OR51B5: variants seen among roughly 807,000 people sequenced by gnomAD.
OR51B5 encodes olfactory receptor family 51 subfamily B member 5, also known as olfactory receptor 51B5.
For synonymous variants in OR51B5, 186 were observed against 144.8 expected (o/e 1.28, Z -2.04); for missense variants, 456 against 374.6 (o/e 1.22, Z -1.79).
At chr11:5,366,563 C>T (rs12364305) in intron 1 of OR51B5, among the ~76,000 whole-genome samples, 35,927 of 151,464 alleles carry the variant, frequency 0.24, 4,491 homozygotes, top group Non-Finnish European at 0.26. Context: ...GAGCCGAGAT[C>T]GCGCCATTGC....
intron 1 of OR51B5, among the ~76,000 whole-genome samples, chr11:5,479,030 G>C (rs1335161217): frequency 2.0e-5 from 3 of 151,950 alleles, no homozygotes; most frequent in Non-Finnish European, 2.9e-5. Context: ...GATACTCCTC[G>C]AGAAGAGCAA....
chr11:5,504,257 C>T (rs886521715), intron 1 of OR51B5, among the ~76,000 whole-genome samples: 16 of 152,148 alleles, frequency 1.1e-4, no homozygotes, highest in Non-Finnish European at 1.8e-4. Context: ...GGATAACTTT[C>T]TCCTTAACTG....
Position 5,476,813 on chromosome 11 carries a change from A to T in OR51B5, n.84+28756T>A, listed in dbSNP as rs150826014. 1.7e-3 allele frequency among the ~76,000 whole-genome samples: 260 copies of T among 152,136 alleles called. 3 individuals carry two copies. Among genetic ancestry groups the T allele is most frequent in the African/African-American group, 6.0e-3 (248 of 41,544 alleles). On this transcript the variant is annotated intron_variant and non_coding_transcript_variant, in intron 1 of 4. Transcript: ENST00000415970. Reference sequence around the variant, plus strand: ...GTAAAACAAGAATAATATTTTACCTATATCATTAGCTTGCTGATATGTTAC... The same window carrying T: ...GTAAAACAAGAATAATATTTTACCTTTATCATTAGCTTGCTGATATGTTAC...
At chr11:5,404,085 C>T (rs1005400924) in intron 1 of OR51B5, among the ~76,000 whole-genome samples, 1 of 146,694 alleles carries the variant, frequency 6.8e-6, no homozygotes, top group Admixed American at 7.2e-5. Context: ...GTTTATTATG[C>T]AAAATTCTGG....
intron 1 of OR51B5, chr11:5,389,524 CTTTTTCT>C: frequency 6.2e-7 from 1 of 1,613,968 alleles, no homozygotes; most frequent in Non-Finnish European, 8.5e-7. Context: ...TTTTCATCCC[CTTTTTCT>C]TTATGTACAT....
chr11:5,486,121 CTG>C (rs1851495157), intron 1 of OR51B5, among the ~76,000 whole-genome samples: 1 of 109,278 alleles, frequency 9.2e-6, no homozygotes, highest in African/African-American at 3.6e-5. Context: ...GCCTCCACAA[CTG>C]TGAGAGAATA....
intron 1 of OR51B5, among the ~76,000 whole-genome samples, chr11:5,354,032 A>G (rs946728189): frequency 6.6e-6 from 1 of 152,230 alleles, no homozygotes; most frequent in Non-Finnish European, 1.5e-5. Flanking sequence ...TAAATATAAC[A>G]TAGTTCTTAT....
intron 1 of OR51B5, among the ~76,000 whole-genome samples, chr11:5,417,494 C>T (rs1261953450): frequency 4.6e-4 from 70 of 150,664 alleles, no homozygotes; most frequent in African/African-American, 1.2e-3. Context: ...ACAGGCAACC[C>T]ACAAAATGGG....
At chr11:5,357,436 C>T (rs11036980) in intron 1 of OR51B5, among the ~76,000 whole-genome samples, 55,649 of 148,484 alleles carry the variant, frequency 0.37, 10,776 homozygotes, top group Non-Finnish European at 0.4. Context: ...CTATCCTAAA[C>T]ATATATGCAC....
At chr11:5,361,001 TC>T (rs1849275917) in intron 1 of OR51B5, among the ~76,000 whole-genome samples, 5 of 114,862 alleles carry the variant, frequency 4.4e-5, no homozygotes, top group South Asian at 2.8e-4. Context: ...GGGGTGGGGG[TC>T]GGGGGGAGGG....
chr11:5,453,282 AG>A, intron 1 of OR51B5: 1 of 413,566 alleles, frequency 2.4e-6, no homozygotes, highest in Non-Finnish European at 4.3e-6. Flanking sequence ...CTCAGCCTGC[AG>A]GCTGATCATC....
At chr11:5,492,854 C>T (rs570297883) in intron 1 of OR51B5, among the ~76,000 whole-genome samples, 17 of 152,200 alleles carry the variant, frequency 1.1e-4, no homozygotes, top group Non-Finnish European at 2.4e-4. Context: ...AGGCTGATCT[C>T]GAACTCCTGA....
intron 1 of OR51B5, among the ~76,000 whole-genome samples, chr11:5,438,361 C>T (rs1564813257): frequency 6.6e-6 from 1 of 151,522 alleles, no homozygotes; most frequent in African/African-American, 2.4e-5. Context: ...CAACACCCCC[C>T]CCCAGTTATC....
chr11:5,402,783 T>A, intron 1 of OR51B5: 2 of 471,590 alleles, frequency 4.2e-6, no homozygotes, highest in Non-Finnish European at 8.8e-6. Flanking sequence ...TCAACCCATG[T>A]ACCTCTTCCT....
At position 5,368,206 on chromosome 11, in the gene OR51B5, A is replaced by G. The variant is rs561369102; in HGVS notation, n.85-21296T>C. Among the ~76,000 whole-genome samples the G allele has an allele frequency of 3.3e-4, 51 of 152,274 alleles. No individual in the cohort carries two copies. In the South Asian group the frequency reaches 0.011, roughly 32 times the overall value. On this transcript the variant is annotated intron_variant and non_coding_transcript_variant, in intron 1 of 4. Transcript: ENST00000415970. ...GTGTTCTGTAGGCTTCTTGAAACCT[A>G]TTGTTTCATGCTTCTTCATACAGTC...
At chr11:5,479,164 C>G (rs7123189) in intron 1 of OR51B5, among the ~76,000 whole-genome samples, 1 of 145,572 alleles carries the variant, frequency 6.9e-6, no homozygotes, top group Admixed American at 6.9e-5. Context: ...GCGGATCTCT[C>G]GGCAGAAACC....
intron 1 of OR51B5, chr11:5,455,147 C>A (rs976169124): frequency 3.3e-5 from 5 of 152,174 alleles, no homozygotes; most frequent in African/African-American, 1.2e-4. Flanking sequence ...TTCTTTACTT[C>A]TTTTATCTGC....
At chr11:5,408,014 C>T (rs938375554) in intron 1 of OR51B5, among the ~76,000 whole-genome samples, 1 of 152,008 alleles carries the variant, frequency 6.6e-6, no homozygotes, top group African/African-American at 2.4e-5. Flanking sequence ...GGCTTCCCTC[C>T]CCAAAAACAT....
chr11:5,501,676 G>A (rs1186789253), intron 1 of OR51B5, among the ~76,000 whole-genome samples: 3 of 148,102 alleles, frequency 2.0e-5, no homozygotes, highest in Non-Finnish European at 3.0e-5. Flanking sequence ...TTCAGATCAC[G>A]TTCTCACTAA....
Sources: allele counts gnomAD v4.1 joint callset (sites outside exome capture counted in the v4.1 genomes callset), GRCh38; gene constraint gnomAD v4.1.1; transcripts MANE v1.5; gene names NCBI Gene and HGNC (gene_info 2026-07-23, HGNC 2026-07-21).